Variants in NKAIN3 observed in about 807,000 individuals in gnomAD.
The protein encoded by NKAIN3 is sodium/potassium transporting ATPase interacting 3.
A neutral mutation model predicts 30.2 loss-of-function variants in NKAIN3; 25 were observed. That is an observed-to-expected ratio of 0.83 (90% CI 0.60 to 1.16). The LOEUF (loss-of-function observed/expected upper bound fraction) is 1.16, where lower values mean the gene tolerates loss of function less well. NKAIN3 is among the 50% of genes most tolerant of loss of function. NKAIN3 has a pLI of 0.00. For missense variants in NKAIN3, 225 were observed against 254.1 expected, an observed-to-expected ratio of 0.89 and a Z score of 0.78; for synonymous variants, 91 against 89.6, an observed-to-expected ratio of 1.02 and a Z score of -0.09.
intron 3 of NKAIN3, among the ~76,000 whole-genome samples, chr8:62,620,970 C>A (rs751921747): frequency 2.2e-4 from 33 of 152,070 alleles, no homozygotes; most frequent in Non-Finnish European, 4.1e-4. Flanking sequence ...ATGTGGTGAT[C>A]CTGAGTGCTC....
intron 4 of NKAIN3, among the ~76,000 whole-genome samples, chr8:62,875,016 G>A (rs990432027): frequency 1.3e-5 from 2 of 152,140 alleles, no homozygotes; most frequent in African/African-American, 4.8e-5. Context: ...AGGAAGGGAG[G>A]AAGTCAGGTT....
At chr8:62,494,708 G>A (rs1197697832) in intron 1 of NKAIN3, among the ~76,000 whole-genome samples, 1 of 151,956 alleles carries the variant, frequency 6.6e-6, no homozygotes, top group Non-Finnish European at 1.5e-5. Context: ...TTGGTTCAGG[G>A]AATCAATTTC....
intron 1 of NKAIN3, among the ~76,000 whole-genome samples, chr8:62,480,532 TAAAAAA>T (rs59515372): frequency 1.5e-5 from 2 of 137,474 alleles, no homozygotes; most frequent in African/African-American, 2.7e-5. Flanking sequence ...ATGTTTGGAT[TAAAAAA>T]AAAAAAAAAA....
At chr8:62,490,050 G>T (rs1161039502) in intron 1 of NKAIN3, among the ~76,000 whole-genome samples, 1 of 152,162 alleles carries the variant, frequency 6.6e-6, no homozygotes, top group East Asian at 1.9e-4. Flanking sequence ...TACAGTAAAG[G>T]TAATTTATTT....
At chr8:62,900,029 T>TAAAAA (rs5891878) in intron 4 of NKAIN3, among the ~76,000 whole-genome samples, 52 of 148,216 alleles carry the variant, frequency 3.5e-4, no homozygotes, top group South Asian at 2.6e-3. Context: ...CTACTGAAAT[T>TAAAAA]AAAAAAAAAA....
intron 4 of NKAIN3, among the ~76,000 whole-genome samples, chr8:62,850,888 G>A (rs576292943): frequency 4.7e-4 from 71 of 152,150 alleles, no homozygotes; most frequent in African/African-American, 1.5e-3. Flanking sequence ...GTCAGGTAGC[G>A]TGATGCCTCC....
intron 4 of NKAIN3, among the ~76,000 whole-genome samples, chr8:62,812,966 C>G (rs985454979): frequency 1.3e-5 from 2 of 151,870 alleles, no homozygotes; most frequent in African/African-American, 4.8e-5. Flanking sequence ...GTAACAGGTA[C>G]TTTCCTCTAG....
intron 1 of NKAIN3, among the ~76,000 whole-genome samples, chr8:62,481,697 A>G (rs1328919510): frequency 6.6e-6 from 1 of 152,196 alleles, no homozygotes; most frequent in Non-Finnish European, 1.5e-5. Flanking sequence ...AGACTTAAAA[A>G]TAATTTCCCC....
intron 1 of NKAIN3, among the ~76,000 whole-genome samples, chr8:62,351,740 T>G (rs1354317167): frequency 6.6e-6 from 1 of 152,106 alleles, no homozygotes; most frequent in East Asian, 1.9e-4. Flanking sequence ...ATTGACCAGT[T>G]TTTGTGGTTT....
At chr8:62,564,579 G>T (rs1044654690) in intron 1 of NKAIN3, among the ~76,000 whole-genome samples, 1 of 152,090 alleles carries the variant, frequency 6.6e-6, no homozygotes, top group Non-Finnish European at 1.5e-5. Flanking sequence ...TTCTACACTG[G>T]AGTTATACAA....
intron 1 of NKAIN3, among the ~76,000 whole-genome samples, chr8:62,489,395 T>C (rs67735083): frequency 0.072 from 10,969 of 152,202 alleles, 494 homozygotes; most frequent in African/African-American, 0.13. Flanking sequence ...AAATTGTCTA[T>C]AGCCTTACAT....
intron 3 of NKAIN3, among the ~76,000 whole-genome samples, chr8:62,646,505 T>C (rs1221813050): frequency 1.3e-5 from 2 of 152,178 alleles, no homozygotes; most frequent in Non-Finnish European, 2.9e-5. Context: ...TATAATATCC[T>C]GTTCTGAACA....
In NKAIN3 at chr8:62,723,725, G is replaced by T. The variant is rs183322746; in HGVS notation, c.274-23207G>T. ...AAAGCATCCCTTATTAAATGTCTTA[G>T]GTGTTCAAATTCTTTGAAGCTTTTG... On this transcript the variant is annotated intron_variant, in intron 3 of 6. Transcript: ENST00000623646. 5.5e-3 allele frequency among the ~76,000 whole-genome samples: 835 copies of T among 152,164 alleles called. 1 individual carries two copies. Among genetic ancestry groups the T allele is most frequent in the Middle Eastern group, 0.037 (11 of 294 alleles).
intron 1 of NKAIN3, among the ~76,000 whole-genome samples, chr8:62,459,053 G>C (rs1486168797): frequency 1.5e-5 from 1 of 67,106 alleles, no homozygotes; most frequent in East Asian, 5.0e-4. Flanking sequence ...TGTGTGTGTT[G>C]TCAGAGAAAA....
At chr8:62,538,222 T>C (rs573439352) in intron 1 of NKAIN3, among the ~76,000 whole-genome samples, 3 of 152,330 alleles carry the variant, frequency 2.0e-5, no homozygotes, top group African/African-American at 4.8e-5. Context: ...TTGCCCAGGC[T>C]GGAGTGCAGT....
chr8:62,710,899 G>A (rs1211133998), intron 3 of NKAIN3, among the ~76,000 whole-genome samples: 2 of 152,026 alleles, frequency 1.3e-5, no homozygotes, highest in African/African-American at 4.8e-5. Context: ...TTCAAGATTT[G>A]TTCCTTTCAG....
intron 1 of NKAIN3, among the ~76,000 whole-genome samples, chr8:62,453,789 A>G (rs1355957095): frequency 6.6e-6 from 1 of 152,178 alleles, no homozygotes; most frequent in Non-Finnish European, 1.5e-5. Context: ...GAAATTGATA[A>G]ATTCCTGGAA....
At chr8:62,698,980 A>G (rs2127562) in intron 3 of NKAIN3, among the ~76,000 whole-genome samples, 8,544 of 152,212 alleles carry the variant, frequency 0.056, 466 homozygotes, top group African/African-American at 0.14. Context: ...GATTTTCCCA[A>G]TTTAAGAATG....
chr8:62,766,006 T>A (rs561454471), intron 4 of NKAIN3, among the ~76,000 whole-genome samples: 1 of 152,216 alleles, frequency 6.6e-6, no homozygotes, highest in African/African-American at 2.4e-5. Flanking sequence ...TACTTGAATC[T>A]TTCTTGCTTG....
Sources: allele counts gnomAD v4.1 joint callset (sites outside exome capture counted in the v4.1 genomes callset), GRCh38; gene constraint gnomAD v4.1.1; transcripts MANE v1.5; gene names NCBI Gene and HGNC (gene_info 2026-07-23, HGNC 2026-07-21).